Variants in GPR158 observed in about 807,000 individuals in gnomAD.
GPR158 encodes the protein G protein-coupled receptor 158.
A neutral mutation model predicts 78.2 loss-of-function variants in GPR158; 30 were observed. The observed-to-expected ratio is 0.38, with a 90% confidence interval of 0.29 to 0.52. The LOEUF (loss-of-function observed/expected upper bound fraction) is 0.52. Among genes scored for constraint, GPR158 ranks in the 20% least tolerant of loss-of-function variants. The pLI is 0.83. For missense variants in GPR158, 1,463 were observed against 1,523.5 expected (o/e 0.96, Z 0.66); for synonymous variants, 581 against 591.1 (o/e 0.98, Z 0.25).
intron 2 of GPR158, among the ~76,000 whole-genome samples, chr10:25,239,281 C>T (rs1183999377): frequency 6.6e-6 from 1 of 152,052 alleles, no homozygotes; most frequent in Non-Finnish European, 1.5e-5. Flanking sequence ...CAGCCGCAAC[C>T]AAACTCAAGA....
At chr10:25,436,035 C>G (rs1180018800) in intron 4 of GPR158, among the ~76,000 whole-genome samples, 1 of 152,014 alleles carries the variant, frequency 6.6e-6, no homozygotes, top group Non-Finnish European at 1.5e-5. Context: ...ATGGAAAACA[C>G]TGAGTAGAGG....
intron 2 of GPR158, among the ~76,000 whole-genome samples, chr10:25,383,530 G>C (rs954200855): frequency 1.3e-5 from 2 of 152,206 alleles, no homozygotes; most frequent in Non-Finnish European, 2.9e-5. Flanking sequence ...ACTTTACCTG[G>C]ATGCCCTGAA....
chr10:25,242,310 TA>T (rs1344228204), intron 2 of GPR158, among the ~76,000 whole-genome samples: 1 of 152,230 alleles, frequency 6.6e-6, no homozygotes, highest in Non-Finnish European at 1.5e-5. Context: ...CTAGATGGTG[TA>T]AAAGCTGGTT....
intron 5 of GPR158, among the ~76,000 whole-genome samples, chr10:25,517,156 G>T (rs1424373677): frequency 6.8e-6 from 1 of 146,204 alleles, no homozygotes; most frequent in Non-Finnish European, 1.5e-5. Flanking sequence ...GTTCACTCAT[G>T]ATTTGGCTCT....
At chr10:25,319,821 C>G (rs1360375784) in intron 2 of GPR158, among the ~76,000 whole-genome samples, 1 of 93,130 alleles carries the variant, frequency 1.1e-5, no homozygotes, top group African/African-American at 5.0e-5. Flanking sequence ...CTGAACACCC[C>G]ACCCCCCCCA....
chr10:25,199,637 T>A (rs1852892984), intron 1 of GPR158, among the ~76,000 whole-genome samples: 2 of 151,092 alleles, frequency 1.3e-5, no homozygotes, highest in South Asian at 4.2e-4. Context: ...GTGAGTAAGT[T>A]CTCATGAGAT....
At chr10:25,386,703 T>A (rs138898472) in intron 2 of GPR158, among the ~76,000 whole-genome samples, 2 of 152,162 alleles carry the variant, frequency 1.3e-5, no homozygotes, top group African/African-American at 4.8e-5. Context: ...TTTTTGATAT[T>A]TTCATTTTAT....
In GPR158 at chr10:25,176,069, A is replaced by T; in HGVS notation, c.649A>T (p.Thr217Ser). The change falls in exon 1 of 11, where the codon ACT becomes TCT. Residue 217 changes from threonine to serine, a missense_variant. Physicochemically the swap from Thr to Ser is moderately conservative, Grantham distance 58. Transcript: ENST00000376351. The surrounding 1 kb of genome is among the most constrained non-coding windows in gnomAD (Gnocchi z 6.3). Reference protein sequence around the residue: ...SSSAPHLANATLETEWFHGLR... With the variant: ...SSSAPHLANASLETEWFHGLR... ...CTCCGCACCCCACCTGGCCAACGCC[A>T]CTCTGGAGACCGAGTGGTTCCACGG... 1 of 1,602,568 alleles carries T rather than the reference A, an allele frequency of 6.2e-7. No individual in the cohort carries two copies. The highest frequency in any genetic ancestry group is 8.5e-7 in the Non-Finnish European group (1 of 1,175,246).
At chr10:25,222,555 T>G (rs1032392734) in intron 2 of GPR158, among the ~76,000 whole-genome samples, 29 of 152,150 alleles carry the variant, frequency 1.9e-4, no homozygotes, top group Non-Finnish European at 7.3e-5. Flanking sequence ...CTCCTTTAAT[T>G]GTTCTTAGGG....
intron 4 of GPR158, among the ~76,000 whole-genome samples, chr10:25,418,237 T>C (rs894741704): frequency 1.3e-5 from 2 of 152,208 alleles, no homozygotes; most frequent in African/African-American, 2.4e-5. Context: ...GTACATTTAA[T>C]TGAAAGAGAT....
intron 6 of GPR158, among the ~76,000 whole-genome samples, chr10:25,564,778 T>TAAGTA (rs1399004291): frequency 2.3e-4 from 35 of 152,072 alleles, no homozygotes; most frequent in Non-Finnish European, 5.9e-5. Context: ...TTTTCTCTCT[T>TAAGTA]AAGTATCCCC....
chr10:25,504,887 A>T (rs1835991040), intron 5 of GPR158, among the ~76,000 whole-genome samples: 1 of 152,170 alleles, frequency 6.6e-6, no homozygotes, highest in African/African-American at 2.4e-5. Flanking sequence ...GTAAGTATTG[A>T]ATTGAGAGCA....
intron 2 of GPR158, among the ~76,000 whole-genome samples, chr10:25,303,246 T>C (rs1370300438): frequency 6.6e-6 from 1 of 152,228 alleles, no homozygotes; most frequent in Admixed American, 6.5e-5. Context: ...TTCTGTTCTT[T>C]AGCTGCACTA....
rs1354056649 is a variant in GPR158 at position 25,308,087 on chromosome 10, AG to A, written c.1008+86931del. On this transcript the variant is annotated intron_variant, in intron 2 of 10. Transcript: ENST00000376351. ...ATTTAGCCAATATGTTAGGTACAAA[AG>A]TCTCAGTCCAGTATTTACATGTATT... Among the ~76,000 whole-genome samples, 7 of 152,196 alleles carry A rather than the reference AG, an allele frequency of 4.6e-5. No individual in the cohort carries two copies. In the East Asian group the frequency reaches 1.3e-3, roughly 29 times the overall value.
chr10:25,531,173 T>G (rs188071716), intron 5 of GPR158, among the ~76,000 whole-genome samples: 1 of 152,320 alleles, frequency 6.6e-6, no homozygotes, highest in East Asian at 1.9e-4. Flanking sequence ...TGAAAACAAA[T>G]TTTTTATAGA....
intron 4 of GPR158, among the ~76,000 whole-genome samples, chr10:25,455,680 G>T (rs74124009): frequency 6.6e-6 from 1 of 151,948 alleles, no homozygotes; most frequent in Non-Finnish European, 1.5e-5. Context: ...TTTGAAAATC[G>T]TTACTTACTC....
intron 2 of GPR158, among the ~76,000 whole-genome samples, chr10:25,319,370 A>G (rs74123822): frequency 0.14 from 20,659 of 152,108 alleles, 2,660 homozygotes; most frequent in African/African-American, 0.34. Flanking sequence ...GAGCACAGCC[A>G]TGTCTTATTT....
intron 3 of GPR158, among the ~76,000 whole-genome samples, chr10:25,398,115 C>T (rs891858237): frequency 3.3e-5 from 5 of 152,154 alleles, no homozygotes; most frequent in African/African-American, 1.2e-4. Context: ...GGACCGTGAG[C>T]TCCAGATGAG....
At chr10:25,343,512 T>C (rs1003382344) in intron 2 of GPR158, among the ~76,000 whole-genome samples, 72 of 152,036 alleles carry the variant, frequency 4.7e-4, no homozygotes, top group African/African-American at 1.7e-3. Flanking sequence ...CTCATTGTTC[T>C]TTCCAGTTTG....
Sources: allele counts gnomAD v4.1 joint callset (sites outside exome capture counted in the v4.1 genomes callset), GRCh38; gene constraint gnomAD v4.1.1; non-coding constraint Gnocchi (gnomAD v3.1); transcripts MANE v1.5; gene names NCBI Gene and HGNC (gene_info 2026-07-23, HGNC 2026-07-21).